The following CSTPP1 variants were observed in gnomAD, a reference collection of about 807,000 sequenced individuals.
The protein encoded by CSTPP1 is UPF0705 protein C11orf49.
the CSTPP1 span, among the ~76,000 whole-genome samples, chr11:46,990,071 T>C: frequency 3.6e-4 from 55 of 152,212 alleles, 1 homozygote. Context: ...GTTGACTCCA[T>C]GTCTTTGCTA....
At chr11:47,030,022 G>A in the CSTPP1 span, among the ~76,000 whole-genome samples, 1 of 152,066 alleles carries the variant, frequency 6.6e-6, no homozygotes, top group Non-Finnish European at 1.5e-5. Flanking sequence ...AGCTACACAG[G>A]CGGCTGAGGC....
the CSTPP1 span, among the ~76,000 whole-genome samples, chr11:47,038,332 A>AC: frequency 2.5e-4 from 13 of 52,236 alleles, no homozygotes; most frequent in South Asian, 8.5e-4. Flanking sequence ...CGGGGGGCTG[A>AC]CCCCCCACCT....
At chr11:47,014,299 AAG>A in the CSTPP1 span, among the ~76,000 whole-genome samples, 16 of 151,064 alleles carry the variant, frequency 1.1e-4, no homozygotes, top group South Asian at 1.5e-3. Flanking sequence ...GGGAGGAAGA[AAG>A]AGAGAAGAGA....
At chr11:47,055,524 C>T in the CSTPP1 span, among the ~76,000 whole-genome samples, 1 of 152,056 alleles carries the variant, frequency 6.6e-6, no homozygotes, top group Non-Finnish European at 1.5e-5. Context: ...AGCTATTAAA[C>T]TTTTATATGT....
At chr11:46,994,759 A>AG in the CSTPP1 span, among the ~76,000 whole-genome samples, 2 of 152,160 alleles carry the variant, frequency 1.3e-5, no homozygotes, top group African/African-American at 4.8e-5. Flanking sequence ...TGTCTCTGCC[A>AG]GGCTTTGGTA....
the CSTPP1 span, chr11:47,164,163 CAGAGA>C: frequency 1.9e-6 from 3 of 1,613,878 alleles, no homozygotes; most frequent in African/African-American, 1.3e-5. Flanking sequence ...CTTTGGCTTT[CAGAGA>C]AGAGAGAAGC....
chr11:46,985,847 T>A, the CSTPP1 span, among the ~76,000 whole-genome samples: 1 of 152,182 alleles, frequency 6.6e-6, no homozygotes, highest in Non-Finnish European at 1.5e-5. Context: ...GCTTGAAGAA[T>A]AATTTGTTTA....
At chr11:47,011,211 G>T in the CSTPP1 span, among the ~76,000 whole-genome samples, 1 of 152,230 alleles carries the variant, frequency 6.6e-6, no homozygotes, top group Admixed American at 6.5e-5. Context: ...AAAAAACTGT[G>T]AATTATCCAT....
the CSTPP1 span, among the ~76,000 whole-genome samples, chr11:47,152,731 A>G: frequency 3.9e-5 from 6 of 152,254 alleles, no homozygotes; most frequent in African/African-American, 4.8e-5. Context: ...TTATATCACA[A>G]TGTAAATAAA....
At chr11:47,148,431 T>C in the CSTPP1 span, among the ~76,000 whole-genome samples, 361 of 151,488 alleles carry the variant, frequency 2.4e-3, 2 homozygotes, top group African/African-American at 8.5e-3. Context: ...ACACCTTGAT[T>C]TGGGGACACC....
At chr11:46,947,882 A>G in the CSTPP1 span, 1 of 358,590 alleles carries the variant, frequency 2.8e-6, no homozygotes, top group Non-Finnish European at 5.5e-6. Flanking sequence ...CCCAAAGTAA[A>G]CAGAGGCATC....
the CSTPP1 span, among the ~76,000 whole-genome samples, chr11:46,982,741 T>C: frequency 6.6e-6 from 1 of 152,190 alleles, no homozygotes; most frequent in Non-Finnish European, 1.5e-5. Context: ...AGATTTTATA[T>C]AGCCCAAGAA....
chr11:47,130,953 G>A, the CSTPP1 span, among the ~76,000 whole-genome samples: 1 of 152,180 alleles, frequency 6.6e-6, no homozygotes, highest in African/African-American at 2.4e-5. Flanking sequence ...GTACTATTGA[G>A]ATCATGCAGC....
chr11:47,098,508 T>C, the CSTPP1 span, among the ~76,000 whole-genome samples: 1 of 103,932 alleles, frequency 9.6e-6, no homozygotes, highest in Non-Finnish European at 2.1e-5. Context: ...TTCTTTTTTC[T>C]TTTTTTTTTT....
chr11:47,124,271 G>A, the CSTPP1 span, among the ~76,000 whole-genome samples: 5 of 151,356 alleles, frequency 3.3e-5, no homozygotes, highest in African/African-American at 1.2e-4. Context: ...TTACAGGCAC[G>A]TGCCACCACG....
chr11:46,987,468 G>A, the CSTPP1 span: 2 of 602,756 alleles, frequency 3.3e-6, no homozygotes, highest in Admixed American at 2.7e-5. Context: ...ACATGTTTTG[G>A]AGCATGCCTT....
the CSTPP1 span, among the ~76,000 whole-genome samples, chr11:46,946,730 C>T: frequency 4.6e-5 from 7 of 152,204 alleles, no homozygotes; most frequent in Non-Finnish European, 8.8e-5. Flanking sequence ...TCTGGTTCAT[C>T]ATCCTATTTA....
chr11:47,060,682 A>G, the CSTPP1 span, among the ~76,000 whole-genome samples: 7 of 152,148 alleles, frequency 4.6e-5, no homozygotes, highest in Admixed American at 6.5e-5. Flanking sequence ...ATAAAGGACT[A>G]CAAATTGGGT....
the CSTPP1 span, among the ~76,000 whole-genome samples, chr11:47,036,723 G>C: frequency 7.8e-6 from 1 of 127,552 alleles, no homozygotes; most frequent in African/African-American, 2.5e-5. Flanking sequence ...TGTCACCCAG[G>C]CTGGAGTGCA....
Sources: gnomAD v4.1 joint callset for allele counts (sites outside exome capture counted in the v4.1 genomes callset) on GRCh38, gnomAD v4.1.1 for gene constraint, MANE v1.5 for transcripts, NCBI Gene and HGNC (gene_info 2026-07-23, HGNC 2026-07-21) for gene names.